The following MACROD2 variants were observed in gnomAD, a reference collection of about 807,000 sequenced individuals.
MACROD2 encodes mono-ADP ribosylhydrolase 2, also known as ADP-ribose glycohydrolase MACROD2.
Under a neutral mutation model 70.4 loss-of-function variants are expected in MACROD2, and 36 were observed. The ratio of observed to expected loss-of-function variants is 0.51; its 90% confidence interval spans 0.39 to 0.68. The LOEUF is 0.68. Ranked by LOEUF, MACROD2 falls within the 30% of genes least tolerant of loss-of-function variation. The probability of loss-of-function intolerance (pLI) is 0.00; values close to 1 mark genes in which losing one functional copy is unlikely to be tolerated. For synonymous variants in MACROD2, 172 were observed against 178.8 expected (o/e 0.96, Z 0.30); for missense variants, 496 against 538.4 (o/e 0.92, Z 0.78).
At chr20:15,822,306 C>T (rs1269229957) in intron 8 of MACROD2, among the ~76,000 whole-genome samples, 1 of 152,096 alleles carries the variant, frequency 6.6e-6, no homozygotes, top group Non-Finnish European at 1.5e-5. Context: ...TTTTACAATA[C>T]TATATTAATA....
At position 15,592,889 on chromosome 20, in the gene MACROD2, G is replaced by C. The variant is rs566280132; in HGVS notation, c.645+93042G>C. 5.3e-5 allele frequency among the ~76,000 whole-genome samples: 8 copies of C among 152,076 alleles called. No homozygotes were observed. In the South Asian group the frequency reaches 1.5e-3, roughly 28 times the overall value. ...TCTTCTTGTCAGCCTTTGTCAAATG[G>C]GTTCAAGCTTTTACCAGTAAGAAGC... is the stretch of plus-strand genomic sequence containing the variant. On this transcript the variant is annotated intron_variant, in intron 8 of 17. Transcript: ENST00000684519.
chr20:14,993,265 C>CTT (rs559777859), intron 5 of MACROD2, among the ~76,000 whole-genome samples: 9 of 140,872 alleles, frequency 6.4e-5, no homozygotes, highest in Non-Finnish European at 9.3e-5. Flanking sequence ...GCTATGGTTA[C>CTT]TTTTTTTTTT....
At chr20:15,160,217 G>C (rs1439918703) in intron 5 of MACROD2, among the ~76,000 whole-genome samples, 1 of 151,992 alleles carries the variant, frequency 6.6e-6, no homozygotes, top group African/African-American at 2.4e-5. Flanking sequence ...ATCCAGGAGA[G>C]CATTAAGAAG....
chr20:14,515,465 G>GTGCACA (rs1555798348), intron 4 of MACROD2, among the ~76,000 whole-genome samples: 4 of 127,172 alleles, frequency 3.1e-5, no homozygotes, highest in East Asian at 2.5e-4. Flanking sequence ...ACACACACAC[G>GTGCACA]CACACACACA....
chr20:14,648,075 C>G (rs574961842), intron 4 of MACROD2, among the ~76,000 whole-genome samples: 1 of 152,070 alleles, frequency 6.6e-6, no homozygotes, highest in Non-Finnish European at 1.5e-5. Flanking sequence ...TGCCTAAATA[C>G]GGATGGTGGG....
intron 10 of MACROD2, among the ~76,000 whole-genome samples, chr20:15,929,186 C>A (rs1307543758): frequency 6.6e-6 from 1 of 152,168 alleles, no homozygotes; most frequent in Non-Finnish European, 1.5e-5. Context: ...TGGTTCCAGA[C>A]TGTGACTTGG....
At chr20:15,861,241 T>G (rs193204329) in intron 8 of MACROD2, among the ~76,000 whole-genome samples, 135 of 152,356 alleles carry the variant, frequency 8.9e-4, no homozygotes, top group African/African-American at 2.7e-3. Context: ...TTTTGCAACT[T>G]GTTGCTGTCA....
chr20:14,322,408 T>TC, intron 3 of MACROD2, among the ~76,000 whole-genome samples: 1 of 15,798 alleles, frequency 6.3e-5, no homozygotes, highest in East Asian at 7.9e-4. Context: ...ATATAATCTC[T>TC]TTTTTTTTTT....
At chr20:14,017,163 A>G (rs1014005492) in intron 2 of MACROD2, among the ~76,000 whole-genome samples, 4 of 152,290 alleles carry the variant, frequency 2.6e-5, no homozygotes, top group Admixed American at 1.3e-4. Flanking sequence ...AAGTGTACAG[A>G]AATGAAACTG....
intron 3 of MACROD2, among the ~76,000 whole-genome samples, chr20:14,286,603 A>G (rs926579809): frequency 6.6e-6 from 1 of 152,024 alleles, no homozygotes; most frequent in Non-Finnish European, 1.5e-5. Context: ...TATGTACTTC[A>G]TAGAGTAGAT....
At chr20:15,516,986 A>C (rs2047576480) in intron 8 of MACROD2, among the ~76,000 whole-genome samples, 2 of 152,226 alleles carry the variant, frequency 1.3e-5, no homozygotes, top group Non-Finnish European at 1.5e-5. Context: ...CAATGTGTTC[A>C]TAAGTAGTAT....
intron 8 of MACROD2, among the ~76,000 whole-genome samples, chr20:15,538,522 A>G (rs2047907640): frequency 6.6e-6 from 1 of 152,234 alleles, no homozygotes; most frequent in African/African-American, 2.4e-5. Context: ...GATGCTCATC[A>G]GATTTCCAGA....
chr20:14,300,243 A>ATC (rs1161729323), intron 3 of MACROD2, among the ~76,000 whole-genome samples: 3 of 152,236 alleles, frequency 2.0e-5, no homozygotes, highest in Non-Finnish European at 4.4e-5. Context: ...TTTATTATGT[A>ATC]TCACACATTC....
At chr20:15,769,571 G>A (rs2051587522) in intron 8 of MACROD2, among the ~76,000 whole-genome samples, 1 of 152,200 alleles carries the variant, frequency 6.6e-6, no homozygotes, top group Admixed American at 6.5e-5. Context: ...ATTGTGCAAT[G>A]ATAATAGTGC....
At position 15,081,910 on chromosome 20, in the gene MACROD2, A is replaced by G. The variant is rs190310751; in HGVS notation, c.419-148030A>G. ...TTTCTTAAATCCATGGACTCCAAACATATATAACTATTACTTTTTGAAGCT... is the reference window on the plus strand; with the variant it reads ...TTTCTTAAATCCATGGACTCCAAACGTATATAACTATTACTTTTTGAAGCT... On this transcript the variant is annotated intron_variant, in intron 5 of 17. Coordinates refer to ENST00000684519, the MANE Select transcript of MACROD2 (RefSeq NM_001351661.2). 3.9e-5 allele frequency among the ~76,000 whole-genome samples: 6 copies of G among 152,292 alleles called. No homozygotes were observed. In the East Asian group the frequency reaches 1.2e-3, roughly 29 times the overall value.
chr20:14,061,852 G>T (rs2053694567), intron 2 of MACROD2, among the ~76,000 whole-genome samples: 1 of 152,088 alleles, frequency 6.6e-6, no homozygotes, highest in Admixed American at 6.5e-5. Context: ...TTGGGCTTCT[G>T]ATATTAAAAT....
At chr20:15,515,990 C>A (rs182308507) in intron 8 of MACROD2, among the ~76,000 whole-genome samples, 1 of 152,180 alleles carries the variant, frequency 6.6e-6, no homozygotes, top group Non-Finnish European at 1.5e-5. Context: ...CACCCCCAAG[C>A]CTGAGCTTAT....
intron 2 of MACROD2, among the ~76,000 whole-genome samples, chr20:14,025,411 T>G (rs1347461874): frequency 6.6e-6 from 1 of 152,206 alleles, no homozygotes; most frequent in Admixed American, 6.5e-5. Flanking sequence ...TGCTAGCTTT[T>G]GAATTTGTTT....
At chr20:14,804,877 T>TTGTG (rs929473471) in intron 5 of MACROD2, among the ~76,000 whole-genome samples, 2 of 147,920 alleles carry the variant, frequency 1.4e-5, no homozygotes, top group African/African-American at 5.0e-5. Context: ...GTGTGTGCTT[T>TTGTG]TGTGTGTGTG....
Sources: allele counts gnomAD v4.1 joint callset (sites outside exome capture counted in the v4.1 genomes callset), GRCh38; gene constraint gnomAD v4.1.1; transcripts MANE v1.5; gene names NCBI Gene and HGNC (gene_info 2026-07-23, HGNC 2026-07-21).